The following NCAM2 variants were observed in gnomAD, a reference collection of about 807,000 sequenced individuals.
NCAM2 encodes N-CAM-2.
NCAM2 carries 30 observed loss-of-function variants against 98.1 expected under a neutral mutation model. That is an observed-to-expected ratio of 0.31 (90% CI 0.23 to 0.41). The LOEUF is 0.41. Ranked by LOEUF, NCAM2 falls within the 10% of genes least tolerant of loss-of-function variation. The pLI, the probability that NCAM2 is intolerant of heterozygous loss-of-function variation, is 1.00. For missense variants in NCAM2, 867 were observed against 1,005.8 expected (o/e 0.86, Z 1.87); for synonymous variants, 368 against 342.4 (o/e 1.07, Z -0.83).
chr21:21,386,205 A>G (rs573886875), intron 9 of NCAM2, among the ~76,000 whole-genome samples: 4 of 152,290 alleles, frequency 2.6e-5, no homozygotes, highest in African/African-American at 9.6e-5. Context: ...TTTTACTAGC[A>G]TGATTGGTTA....
chr21:21,235,071 G>T (rs1458106192), intron 1 of NCAM2, among the ~76,000 whole-genome samples: 3 of 151,806 alleles, frequency 2.0e-5, no homozygotes, highest in African/African-American at 4.8e-5. Flanking sequence ...TCAGAATAGG[G>T]CATGGAATTC....
chr21:21,006,903 G>A (rs573690709), intron 1 of NCAM2, among the ~76,000 whole-genome samples: 1 of 152,262 alleles, frequency 6.6e-6, no homozygotes, highest in African/African-American at 2.4e-5. Context: ...GATAGAGGGT[G>A]CAAAAGCTAG....
chr21:21,512,580 T>C (rs1479821361), intron 16 of NCAM2, among the ~76,000 whole-genome samples: 5 of 152,072 alleles, frequency 3.3e-5, no homozygotes, highest in African/African-American at 1.2e-4. Flanking sequence ...GGGTCTTTTG[T>C]GTTTCCATAT....
chr21:21,202,457 C>T (rs899024338), intron 1 of NCAM2, among the ~76,000 whole-genome samples: 1 of 84,726 alleles, frequency 1.2e-5, no homozygotes, highest in African/African-American at 4.2e-5. Context: ...GCTTTTGTTG[C>T]CCAGGCTGGA....
At chr21:21,381,796 A>G (rs1208054679) in intron 9 of NCAM2, among the ~76,000 whole-genome samples, 1 of 152,128 alleles carries the variant, frequency 6.6e-6, no homozygotes, top group African/African-American at 2.4e-5. Context: ...ATTCATCTAT[A>G]TGTGGTTTCT....
intron 9 of NCAM2, among the ~76,000 whole-genome samples, chr21:21,376,892 T>C (rs1208146899): frequency 6.6e-6 from 1 of 151,740 alleles, no homozygotes; most frequent in Non-Finnish European, 1.5e-5. Flanking sequence ...GTTTTGAGAA[T>C]TATTTGAGTA....
chr21:21,351,039 G>A (rs2075322613), intron 8 of NCAM2, among the ~76,000 whole-genome samples: 1 of 149,484 alleles, frequency 6.7e-6, no homozygotes, highest in Non-Finnish European at 1.5e-5. Flanking sequence ...GCGTGAACGC[G>A]GGAGGCGGAG....
At chr21:21,193,259 T>C (rs1034586680) in intron 1 of NCAM2, among the ~76,000 whole-genome samples, 1 of 152,070 alleles carries the variant, frequency 6.6e-6, no homozygotes, top group Admixed American at 6.5e-5. Flanking sequence ...ATTGGTATTT[T>C]ATTAGATTAT....
At chr21:21,301,448 A>C (rs56082021) in intron 5 of NCAM2, among the ~76,000 whole-genome samples, 59,278 of 141,770 alleles carry the variant, frequency 0.42, 13,794 homozygotes, top group Non-Finnish European at 0.53. Flanking sequence ...GGTTAGTTAC[A>C]TATGTATACA....
chr21:21,454,226 G>A (rs1035981293), intron 12 of NCAM2, among the ~76,000 whole-genome samples: 11 of 150,324 alleles, frequency 7.3e-5, no homozygotes, highest in African/African-American at 2.5e-4. Context: ...ACTGTTCAAG[G>A]AAGTGAGAAT....
intron 1 of NCAM2, among the ~76,000 whole-genome samples, chr21:21,201,258 A>T (rs1167469151): frequency 6.6e-6 from 1 of 152,176 alleles, no homozygotes; most frequent in Non-Finnish European, 1.5e-5. Flanking sequence ...TTTATATTTG[A>T]GCTGATATGA....
intron 5 of NCAM2, among the ~76,000 whole-genome samples, chr21:21,322,937 A>G (rs915048535): frequency 3.9e-5 from 6 of 152,194 alleles, no homozygotes; most frequent in Admixed American, 1.3e-4. Context: ...CTACTTCACT[A>G]TACATCCCCA....
intron 9 of NCAM2, among the ~76,000 whole-genome samples, chr21:21,377,614 T>C (rs2076062358): frequency 6.6e-6 from 1 of 151,930 alleles, no homozygotes; most frequent in Non-Finnish European, 1.5e-5. Flanking sequence ...TACAATGTAA[T>C]TTTTGTTATA....
At chr21:21,494,550 C>T (rs1376922378) in intron 15 of NCAM2, among the ~76,000 whole-genome samples, 1 of 151,054 alleles carries the variant, frequency 6.6e-6, no homozygotes, top group Non-Finnish European at 1.5e-5. Context: ...CTGCATCCAT[C>T]AAAGTCAACC....
intron 1 of NCAM2, among the ~76,000 whole-genome samples, chr21:21,054,923 T>C (rs557386953): frequency 2.0e-5 from 3 of 152,160 alleles, no homozygotes; most frequent in South Asian, 4.1e-4. Context: ...AGTTTTCTTA[T>C]ATGTAGAAAC....
At chr21:21,279,471 G>T (rs1222439815) in intron 1 of NCAM2, among the ~76,000 whole-genome samples, 1 of 152,090 alleles carries the variant, frequency 6.6e-6, no homozygotes, top group Admixed American at 6.6e-5. Context: ...CAATTCTCCT[G>T]CCTCAGGCTC....
At chr21:21,368,898 A>G (rs1016923935) in intron 8 of NCAM2, among the ~76,000 whole-genome samples, 1 of 151,794 alleles carries the variant, frequency 6.6e-6, no homozygotes, top group African/African-American at 2.4e-5. Flanking sequence ...CCTAAAACCT[A>G]TCCTGTCCAT....
rs117312432 is a variant in NCAM2, at chr21:21,330,062, A to G, written c.738-5443A>G. On this transcript the variant is annotated intron_variant, in intron 6 of 17. Coordinates refer to ENST00000400546, the MANE Select transcript of NCAM2 (RefSeq NM_004540.5). Reference sequence around the variant, plus strand: ...CTGTCTTTTTTATCCTGATTATTCTAGATGTAGGTCTATGCACATACTAAT... The same window carrying G: ...CTGTCTTTTTTATCCTGATTATTCTGGATGTAGGTCTATGCACATACTAAT... 6.1e-3 allele frequency among the ~76,000 whole-genome samples: 922 copies of G among 152,188 alleles called. 3 individuals carry two copies. The highest frequency in any genetic ancestry group is 9.9e-3 in the Non-Finnish European group (673 of 67,970).
intron 1 of NCAM2, among the ~76,000 whole-genome samples, chr21:21,244,601 C>A (rs1284656255): frequency 1.3e-5 from 2 of 151,974 alleles, no homozygotes; most frequent in Non-Finnish European, 2.9e-5. Flanking sequence ...GTAATCCCAG[C>A]ACTTTGGGAG....
Sources: gnomAD v4.1 joint callset for allele counts (sites outside exome capture counted in the v4.1 genomes callset) on GRCh38, gnomAD v4.1.1 for gene constraint, MANE v1.5 for transcripts, NCBI Gene and HGNC (gene_info 2026-07-23, HGNC 2026-07-21) for gene names.